The following OVCH2 variants were observed in gnomAD, a reference collection of about 807,000 sequenced individuals.
The protein encoded by OVCH2 is ovochymase-2.
Under a neutral mutation model 73.7 loss-of-function variants are expected in OVCH2, and 88 were observed. The ratio of observed to expected loss-of-function variants is 1.19; its 90% CI spans 1.01 to 1.43. The LOEUF (loss-of-function observed/expected upper bound fraction) is 1.43, where lower values mean the gene tolerates loss of function less well. Among genes scored for constraint, OVCH2 ranks in the 40% most tolerant of loss-of-function variants. OVCH2 has a pLI of 0.00. For missense variants in OVCH2, 706 were observed against 674.5 expected (o/e 1.05, Z -0.52); for synonymous variants, 265 against 234.5 (o/e 1.13, Z -1.19).
chr11:7,695,618 C>G lies in OVCH2; in HGVS notation c.1234G>C (p.Ala412Pro), dbSNP rs200352564. 1,169 of 1,613,600 alleles carry G rather than the reference C, an allele frequency of 7.2e-4. No individual in the cohort carries two copies. Among genetic ancestry groups the G allele is most frequent in the Non-Finnish European group, 9.2e-4 (1,084 of 1,179,736 alleles). ...GCTTTATAGGTAAGATTAAACCCAG[C>G]TGCATTATCTGTGGCATCAGAGACG... ...KFVSDATDNAAGFNLTYKALK... is the reference protein window; with the variant it reads ...KFVSDATDNAPGFNLTYKALK... The change falls in exon 11 of 16, where the codon GCT (alanine) becomes CCT (proline). Residue 412 changes from alanine to proline, a missense_variant. Physicochemically the swap from Ala to Pro is conservative, Grantham distance 27. Coordinates refer to ENST00000533663, the MANE Select transcript of OVCH2 (RefSeq NM_198185.7).
At chr11:7,681,102 TGTC>T in the OVCH2 span, among the ~76,000 whole-genome samples, 1 of 152,300 alleles carries the variant, frequency 6.6e-6, no homozygotes, top group Admixed American at 6.5e-5. Context: ...TTTGCTAAAA[TGTC>T]ATCCTGAACA....
At chr11:7,695,319 G>A in intron 11 of OVCH2, 131 bp from the exon 12 acceptor site, 1 of 1,127,668 alleles carries the variant, frequency 8.9e-7, no homozygotes, top group Non-Finnish European at 1.2e-6. Context: ...AAGAAAAGAC[G>A]TAGTGCATGA....
chr11:7,698,868 A>T, intron 7 of OVCH2, 95 bp from the exon 8 acceptor site: 1 of 1,350,160 alleles, frequency 7.4e-7, no homozygotes, highest in South Asian at 1.3e-5. Flanking sequence ...AGAGATTTTT[A>T]AGTCAATATG....
At chr11:7,682,501 C>G in the OVCH2 span, among the ~76,000 whole-genome samples, 1 of 152,230 alleles carries the variant, frequency 6.6e-6, no homozygotes, top group Non-Finnish European at 1.5e-5. Context: ...CAGCTTTGCA[C>G]AGCCTGCAGT....
At chr11:7,684,477 T>TAC (rs1856120101), downstream of OVCH2, among the ~76,000 whole-genome samples, 1 of 128,358 alleles carries the variant, frequency 7.8e-6, no homozygotes, top group Admixed American at 7.7e-5. Flanking sequence ...AACCTATATA[T>TAC]ATATATATAT....
intron 12 of OVCH2, among the ~76,000 whole-genome samples, chr11:7,692,743 T>A (rs1856245136): frequency 6.6e-6 from 1 of 152,292 alleles, no homozygotes; most frequent in East Asian, 1.9e-4. Context: ...AATTCTTGAG[T>A]AGATTATTAA....
In OVCH2 at chr11:7,689,513, G is replaced by GTGTCA. The variant is rs1375875907; in HGVS notation, c.*120_*121insTGACA. On this transcript the variant is annotated 3_prime_UTR_variant, in exon 16 of 16. Coordinates refer to ENST00000533663, the MANE Select transcript of OVCH2 (RefSeq NM_198185.7). ...CCAAGATCAACGTGTCAGCAGGGAT[G>GTGTCA]GCTCTGTCTGAGGGCTGTGACGAGG... The GTGTCA allele has an allele frequency of 2.5e-6, 1 of 394,966 alleles. No homozygotes were observed. The highest frequency in any genetic ancestry group is 5.1e-6 in the Non-Finnish European group (1 of 196,622). 24.5% of individuals were successfully genotyped at this position (394,966 alleles called of 1,614,324 possible). A position where few individuals can be genotyped will look rare whatever the true frequency, so the allele number is the denominator to read the frequency against.
At chr11:7,695,004 G>A (rs1195022909) in intron 12 of OVCH2, 54 bp downstream of exon 12, 1 of 1,521,160 alleles carries the variant, frequency 6.6e-7, no homozygotes, top group East Asian at 2.5e-5. Flanking sequence ...TGGTGCTTAT[G>A]TTAGCTATTC....
At chr11:7,685,086 CCA>C (rs1856128159), downstream of OVCH2, among the ~76,000 whole-genome samples, 2 of 152,158 alleles carry the variant, frequency 1.3e-5, no homozygotes, top group South Asian at 4.1e-4. Flanking sequence ...TCTCACTTGA[CCA>C]AGAAACATGA....
At chr11:7,690,069 G>T in intron 14 of OVCH2, 56 bp from the exon 15 acceptor site, 2 of 1,219,802 alleles carry the variant, frequency 1.6e-6, no homozygotes, top group Non-Finnish European at 2.3e-6. Flanking sequence ...CAGGGTTGGA[G>T]ATTTATCAGA....
intron 2 of OVCH2, among the ~76,000 whole-genome samples, chr11:7,704,198 G>T (rs910667927): frequency 6.6e-6 from 1 of 152,156 alleles, no homozygotes; most frequent in Non-Finnish European, 1.5e-5. Flanking sequence ...GAGGGCTGGG[G>T]AGCCTTTCAA....
At chr11:7,691,591 T>G (rs1856222330) in intron 13 of OVCH2, among the ~76,000 whole-genome samples, 191 bp from the exon 14 acceptor site, 1 of 152,244 alleles carries the variant, frequency 6.6e-6, no homozygotes, top group African/African-American at 2.4e-5. Context: ...TTTTCTCTCC[T>G]GAACACTCCC....
At chr11:7,697,923 T>C (rs1049279371) in intron 8 of OVCH2, among the ~76,000 whole-genome samples, 6 of 152,260 alleles carry the variant, frequency 3.9e-5, no homozygotes, top group African/African-American at 1.4e-4. Context: ...TCCAAACTTT[T>C]TTGGCTAGCA....
At position 7,698,630 on chromosome 11, in the gene OVCH2, G is replaced by A. The variant is rs1033313516; in HGVS notation, c.925+120C>T. 30 of 975,342 alleles carry A rather than the reference G, an allele frequency of 3.1e-5. No homozygotes were observed. In the East Asian group the frequency reaches 7.0e-4, roughly 23 times the overall value. 60.4% of individuals were successfully genotyped at this position (975,342 alleles called of 1,614,324 possible). ...ATAATGGCTGTAGGTGCTCCAGGTG[G>A]TAGTTTTAGACCTACTGAGCAGGGA... On this transcript the variant is annotated intron_variant, in intron 8 of 15. Transcript: ENST00000533663.
chr11:7,686,175 G>A (rs557585174), downstream of OVCH2, among the ~76,000 whole-genome samples: 1 of 152,344 alleles, frequency 6.6e-6, no homozygotes, highest in African/African-American at 2.4e-5. Context: ...GGTTGCTGAG[G>A]TATGAAGTCC....
At chr11:7,702,438 T>C (rs78652635) in intron 3 of OVCH2, 109 bp from the exon 4 acceptor site, 11 of 328,458 alleles carry the variant, frequency 3.3e-5, no homozygotes, top group Non-Finnish European at 4.9e-5. Flanking sequence ...TAATATGGGG[T>C]GTGAGGCTGC....
At chr11:7,695,277 G>A (rs1259257071) in intron 11 of OVCH2, 89 bp from the exon 12 acceptor site, 3 of 1,380,914 alleles carry the variant, frequency 2.2e-6, no homozygotes, top group Non-Finnish European at 2.9e-6. Context: ...TGAAAATGAT[G>A]CATATCAATT....
At chr11:7,692,020 A>G in intron 12 of OVCH2, 25 bp from the exon 13 acceptor site, 2 of 1,491,680 alleles carry the variant, frequency 1.3e-6, no homozygotes, top group Non-Finnish European at 9.1e-7. Flanking sequence ...AGTTACATCC[A>G]GAGTAAACAA....
chr11:7,696,481 T>A lies in OVCH2; in HGVS notation c.1125A>T (p.Leu375Phe). 1 of 1,614,012 alleles carries A rather than the reference T, an allele frequency of 6.2e-7. No individual in the cohort carries two copies. Among genetic ancestry groups the A allele is most frequent in the Non-Finnish European group, 8.5e-7 (1 of 1,179,896 alleles). The change falls in exon 10 of 16, where the codon TTA becomes TTT. Residue 375 changes from leucine (L) to phenylalanine (F), a missense_variant. By Grantham distance (22) the Leu-to-Phe change is conservative. Coordinates refer to ENST00000533663, the MANE Select transcript of OVCH2 (RefSeq NM_198185.7). Reference protein sequence around the residue: ...CHHSYLSMYSLEDRPIGKFCG... With the variant: ...CHHSYLSMYSFEDRPIGKFCG... ...TCCACTCACCAATGGGTCTGTCTTC[T>A]AAAGAATACATTGACAGGTAACTGT...
Sources: allele counts gnomAD v4.1 joint callset (sites outside exome capture counted in the v4.1 genomes callset), GRCh38; gene constraint gnomAD v4.1.1; transcripts MANE v1.5; gene names NCBI Gene and HGNC (gene_info 2026-07-23, HGNC 2026-07-21).